SLC17A9: variants seen among roughly 807,000 people sequenced by gnomAD.
SLC17A9 encodes solute carrier family 17 member 9.
SLC17A9 carries 49 observed loss-of-function variants against 55.0 expected under a neutral mutation model. The observed-to-expected ratio is 0.89, with a 90% CI of 0.71 to 1.13. The LOEUF (loss-of-function observed/expected upper bound fraction) is 1.13. Ranked by LOEUF, SLC17A9 falls within the 50% of genes most tolerant of loss-of-function variation. The pLI is 0.00. For synonymous variants in SLC17A9, 256 were observed against 247.4 expected, an observed-to-expected ratio of 1.03 and a Z score of -0.32; for missense variants, 526 against 569.3, an observed-to-expected ratio of 0.92 and a Z score of 0.77.
rs2065600715 is a variant in SLC17A9 at position 62,962,827 on chromosome 20, T to C, written c.628+73T>C. 9.5e-6 allele frequency: 15 copies of C among 1,582,382 alleles called. No individual in the cohort carries two copies. The highest frequency in any genetic ancestry group is 1.1e-5 in the Non-Finnish European group (13 of 1,162,478). ...TGCCTCCTCCCCTGGTGGCAGCCGCTGAGCAGCCTGGAGCAGGAGCCCGGA... is the reference window on the plus strand; with the variant it reads ...TGCCTCCTCCCCTGGTGGCAGCCGCCGAGCAGCCTGGAGCAGGAGCCCGGA... On this transcript the variant is annotated intron_variant, in intron 5 of 12. Transcript: ENST00000370351. The surrounding 1 kb of genome is among the most constrained non-coding windows in gnomAD (Gnocchi z 5.5).
intron 12 of SLC17A9, chr20:62,967,009 C>T (rs532850759): frequency 1.7e-5 from 10 of 573,050 alleles, no homozygotes; most frequent in African/African-American, 3.8e-5. Context: ...CTCCTGGCCC[C>T]GCTGAGTGCC....
chr20:62,965,705 C>T lies in SLC17A9; in HGVS notation c.1041C>T (p.Gly347=), dbSNP rs1417759943. The change falls in exon 10 of 13, where the codon GGC becomes GGT. Residue 347 remains glycine, a synonymous_variant. Transcript: ENST00000370351. The part of the protein sequence containing the change: ...ESVVFASASI[G]LQTFNHSGIS... ...TGGTCTTTGCATCAGCCTCCATCGG[C>T]CTCCAGACCTTCAACCACAGGTGAG... The T allele has an allele frequency of 6.2e-7, 1 of 1,613,864 alleles. No homozygotes were observed. Among genetic ancestry groups the T allele is most frequent in the South Asian group, 1.1e-5 (1 of 91,082 alleles).
In SLC17A9 at chr20:62,960,569, A is replaced by T; in HGVS notation, c.463A>T (p.Thr155Ser). The T allele has an allele frequency of 1.9e-6, 3 of 1,613,518 alleles. No individual in the cohort carries two copies. Among genetic ancestry groups the T allele is most frequent in the Non-Finnish European group, 2.5e-6 (3 of 1,179,990 alleles). Reference sequence around the variant, plus strand: ...GGTGCGGGAGAGTGAGCGAGCCTTCACCTACAGCATCGTGGGCGCCGGCTC... The same window carrying T: ...GGTGCGGGAGAGTGAGCGAGCCTTCTCCTACAGCATCGTGGGCGCCGGCTC... ...QKVRESERAF[T>S]YSIVGAGSQF... The change falls in exon 4 of 13, where the codon ACC becomes TCC. Residue 155 changes from threonine (T) to serine (S), a missense_variant. Coordinates refer to ENST00000370351, the MANE Select transcript of SLC17A9 (RefSeq NM_022082.4).
Position 62,965,113 on chromosome 20 carries a change from C to T in SLC17A9, c.911-19C>T. 6.8e-6 allele frequency: 11 copies of T among 1,613,898 alleles called. No homozygotes were observed. The highest frequency in any genetic ancestry group is 9.3e-6 in the Non-Finnish European group (11 of 1,179,930). On this transcript the variant is annotated intron_variant, in intron 8 of 12. Coordinates refer to ENST00000370351, the MANE Select transcript of SLC17A9 (RefSeq NM_022082.4). ...ACGAAAGGGCTAACGGGAGCCCCTT[C>T]CTTGGCCTCCCCCTGTAGGTTACAG...
intron 3 of SLC17A9, among the ~76,000 whole-genome samples, chr20:62,957,962 G>A (rs973424766): frequency 3.3e-5 from 5 of 152,112 alleles, no homozygotes; most frequent in African/African-American, 1.2e-4. Context: ...TGCAAGCAAT[G>A]TGCATGTATG....
chr20:62,953,095 C>A, intron 1 of SLC17A9: 1 of 1,331,310 alleles, frequency 7.5e-7, no homozygotes, highest in Non-Finnish European at 1.0e-6. Context: ...GATTCCAGGA[C>A]CGGACCTGGC....
At chr20:62,963,500 C>T (rs1463826550) in intron 6 of SLC17A9, 84 bp from the exon 7 acceptor site, 40 of 1,512,568 alleles carry the variant, frequency 2.6e-5, no homozygotes, top group Non-Finnish European at 3.4e-5. Flanking sequence ...CTCTGGCCCC[C>T]AGGGGACGCC....
rs747392642 is a variant in SLC17A9 at position 62,963,278 on chromosome 20, A to T, written c.634A>T (p.Ile212Phe). The change falls in exon 6 of 13, where the codon ATC (isoleucine) becomes TTC (phenylalanine). Residue 212 changes from isoleucine to phenylalanine, a missense_variant. Physicochemically the swap from Ile to Phe is conservative, Grantham distance 21. Coordinates refer to ENST00000370351, the MANE Select transcript of SLC17A9 (RefSeq NM_022082.4). ...YRYLLSEKDL[I>F]LALGVLAQSR... ...TGAAACCGTTGCTCCCTCAGATCTCATCCTGGCCTTGGGTGTCCTGGCCCA... is the reference window on the plus strand; with the variant it reads ...TGAAACCGTTGCTCCCTCAGATCTCTTCCTGGCCTTGGGTGTCCTGGCCCA... 1.9e-6 allele frequency: 3 copies of T among 1,613,278 alleles called. No individual in the cohort carries two copies. In the East Asian group the frequency reaches 6.7e-5, roughly 36 times the overall value.
rs200761180 is a variant in SLC17A9, at chr20:62,956,850, G to A, written c.145G>A (p.Val49Ile). The A allele has an allele frequency of 4.3e-4, 690 of 1,613,338 alleles. 3 individuals are homozygous for A. The highest frequency in any genetic ancestry group is 3.9e-4 in the Non-Finnish European group (459 of 1,180,016). Residue 49 changes from valine to isoleucine, a missense_variant, in exon 2 of 13, where the codon GTC (valine) becomes ATC (isoleucine). Physicochemically the swap from Val to Ile is conservative, Grantham distance 29. Transcript: ENST00000370351. ...CCGCTCCAGCATGCCCATCTGCACC[G>A]TCTCCATGAGCCAGGACTTCGGCTG... ...CARSSMPICTVSMSQDFGWNK... is the reference protein window; with the variant it reads ...CARSSMPICTISMSQDFGWNK...
chr20:62,957,262 G>T (rs1201712417), intron 2 of SLC17A9, 179 bp from the exon 3 acceptor site: 7 of 985,268 alleles, frequency 7.1e-6, no homozygotes, highest in African/African-American at 1.7e-5. Context: ...GAGGAGGCAG[G>T]CCGCTCCCCT....
intron 10 of SLC17A9, 43 bp from the exon 11 acceptor site, chr20:62,966,482 G>A (rs528837288): frequency 8.1e-6 from 13 of 1,601,026 alleles, no homozygotes; most frequent in African/African-American, 2.7e-5. Context: ...CCACCAGCTC[G>A]GTGGTGGCCA....
chr20:62,965,335 T>TG (rs892310912), intron 9 of SLC17A9, among the ~76,000 whole-genome samples, 169 bp downstream of exon 9: 2 of 152,210 alleles, frequency 1.3e-5, no homozygotes, highest in Non-Finnish European at 2.9e-5. Context: ...AGACAGCTGT[T>TG]GGGGGGAAGG....
intron 1 of SLC17A9, among the ~76,000 whole-genome samples, chr20:62,955,655 A>T (rs1403273990): frequency 1.3e-5 from 2 of 152,124 alleles, no homozygotes; most frequent in African/African-American, 4.8e-5. Context: ...TGTGGCTTTT[A>T]GTGGAAAGTT....
At position 62,967,787 on chromosome 20, in the gene SLC17A9, G is replaced by T; in HGVS notation, c.*287G>T. ...GCTGGTGTGGCCGTCAGGGTGGGTGGGGTTATTGTTAGTAGGCGCAGCCTC... is the reference window on the plus strand; with the variant it reads ...GCTGGTGTGGCCGTCAGGGTGGGTGTGGTTATTGTTAGTAGGCGCAGCCTC... On this transcript the variant is annotated 3_prime_UTR_variant, in exon 13 of 13. Coordinates refer to ENST00000370351, the MANE Select transcript of SLC17A9 (RefSeq NM_022082.4). 2.9e-6 allele frequency: 1 copy of T among 347,724 alleles called. No individual in the cohort carries two copies. Among genetic ancestry groups the T allele is most frequent in the Non-Finnish European group, 5.3e-6 (1 of 189,290 alleles). The allele number at this position is 347,724 out of a possible 1,614,324, so 21.5% of individuals were successfully genotyped here.
At chr20:62,953,337 A>G in intron 1 of SLC17A9, 1 of 1,513,908 alleles carries the variant, frequency 6.6e-7, no homozygotes, top group South Asian at 1.2e-5. Flanking sequence ...ACCACGTGCC[A>G]GCTGTGTGCT....
In SLC17A9 at chr20:62,964,313, A is replaced by G. The variant is rs1365645490; in HGVS notation, c.908A>G (p.Gln303Arg). 1.7e-5 allele frequency: 27 copies of G among 1,614,094 alleles called. No homozygotes were observed. Among genetic ancestry groups the G allele is most frequent in the Non-Finnish European group, 2.1e-5 (25 of 1,179,964 alleles). The change falls in exon 8 of 13, where the codon CAG becomes CGG. Residue 303 changes from glutamine (Q) to arginine (R), a missense_variant and splice_region_variant. Gln to Arg is a conservative substitution (Grantham distance 43). Coordinates refer to ENST00000370351, the MANE Select transcript of SLC17A9 (RefSeq NM_022082.4). ...TTTCTCTCTGATCATCTCATCAATC[A>G]GGGTGAGCCCCAGGGAGGGGACCGG... ...SGFLSDHLIN[Q>R]GYRAITVRKL...
Position 62,965,184 on chromosome 20 carries a change from GTCGTTCTC to G in SLC17A9, c.945+21_945+28del, listed in dbSNP as rs776199568. 2 of 1,614,130 alleles carry G rather than the reference GTCGTTCTC, an allele frequency of 1.2e-6. No individual in the cohort carries two copies. Among genetic ancestry groups the G allele is most frequent in the South Asian group, 2.2e-5 (2 of 91,090 alleles). ...TCATGCAGGTAGGAGAATCATTCCG[GTCGTTCTC>G]TCTGGATATCCCTGCTTTGTTCAGG... On this transcript the variant is annotated intron_variant, in intron 9 of 12. Coordinates refer to ENST00000370351, the MANE Select transcript of SLC17A9 (RefSeq NM_022082.4).
rs1390434207 is a variant in SLC17A9, at chr20:62,962,997, G to A, written c.628+243G>A. ...ACCCAGGAAGACCTGCTGGGCACAGGTCAAGGCAGGGTGCAGGAGCAGCCG... is the reference window on the plus strand; with the variant it reads ...ACCCAGGAAGACCTGCTGGGCACAGATCAAGGCAGGGTGCAGGAGCAGCCG... On this transcript the variant is annotated intron_variant, in intron 5 of 12. Coordinates refer to ENST00000370351, the MANE Select transcript of SLC17A9 (RefSeq NM_022082.4). This position sits in a 1 kb window ranked among gnomAD's most constrained non-coding sequence, Gnocchi z 5.5. The A allele has an allele frequency of 6.0e-6, 4 of 665,350 alleles. No homozygotes were observed. The highest frequency in any genetic ancestry group is 1.0e-5 in the Non-Finnish European group (4 of 397,906). The allele number at this position is 665,350 out of a possible 1,614,324, so 41.2% of individuals were successfully genotyped here.
chr20:62,963,389 A>AC lies in SLC17A9; in HGVS notation c.725+24dup. The AC allele has an allele frequency of 1.9e-6, 3 of 1,610,732 alleles. No homozygotes were observed. On this transcript the variant is annotated intron_variant, in intron 6 of 12. Transcript: ENST00000370351. ...TGTCTGGTGAGCTGGGACCTGTGCCACCCCTTGGAGCAGCGGCAGGGCCGG... is the reference window on the plus strand; with the variant it reads ...TGTCTGGTGAGCTGGGACCTGTGCCACCCCCTTGGAGCAGCGGCAGGGCCGG...
Sources: allele counts gnomAD v4.1 joint callset (sites outside exome capture counted in the v4.1 genomes callset), GRCh38; gene constraint gnomAD v4.1.1; non-coding constraint Gnocchi (gnomAD v3.1); transcripts MANE v1.5; gene names NCBI Gene and HGNC (gene_info 2026-07-23, HGNC 2026-07-21).